HIBADH: variants seen among roughly 807,000 people sequenced by gnomAD.
The protein encoded by HIBADH is 3-hydroxyisobutyrate dehydrogenase.
Under a neutral mutation model 36.1 loss-of-function variants are expected in HIBADH, and 25 were observed. The ratio of observed to expected loss-of-function variants is 0.69; its 90% CI spans 0.50 to 0.97. The LOEUF (loss-of-function observed/expected upper bound fraction) is 0.97, where lower values mean the gene tolerates loss of function less well. HIBADH is among the 50% of genes least tolerant of loss of function. The probability of loss-of-function intolerance (pLI) is 0.00; values close to 1 mark genes in which losing one functional copy is unlikely to be tolerated. For missense variants in HIBADH, 421 were observed against 418.0 expected (o/e 1.01, Z -0.06); for synonymous variants, 160 against 149.5 (o/e 1.07, Z -0.51).
intron 4 of HIBADH, among the ~76,000 whole-genome samples, chr7:27,593,227 A>C (rs2128289254): frequency 6.6e-6 from 1 of 152,296 alleles, no homozygotes; most frequent in East Asian, 1.9e-4. Flanking sequence ...AGCCCTCAAA[A>C]AGATTTAGAT....
intron 4 of HIBADH, among the ~76,000 whole-genome samples, chr7:27,611,199 T>C (rs1163540490): frequency 2.0e-5 from 3 of 152,160 alleles, no homozygotes; most frequent in South Asian, 2.1e-4. Flanking sequence ...AGCAAATCAA[T>C]GAGGCGTGCC....
intron 4 of HIBADH, among the ~76,000 whole-genome samples, chr7:27,594,144 G>GTTGTTTTTTTT (rs1554297929): frequency 3.6e-5 from 2 of 55,454 alleles, no homozygotes; most frequent in Non-Finnish European, 6.3e-5. Flanking sequence ...AGATGTTTTT[G>GTTGTTTTTTTT]TTTTTTTGTT....
At chr7:27,607,471 T>A (rs1375028990) in intron 4 of HIBADH, among the ~76,000 whole-genome samples, 1 of 152,088 alleles carries the variant, frequency 6.6e-6, no homozygotes, top group Non-Finnish European at 1.5e-5. Context: ...ATCACGCCAC[T>A]GAACTCCAGC....
intron 4 of HIBADH, among the ~76,000 whole-genome samples, chr7:27,560,123 C>A (rs935251470): frequency 6.6e-6 from 1 of 152,060 alleles, no homozygotes; most frequent in Non-Finnish European, 1.5e-5. Context: ...GTTTACATTT[C>A]TATTATTATT....
intron 2 of HIBADH, among the ~76,000 whole-genome samples, chr7:27,645,769 T>C (rs1272427794): frequency 4.6e-5 from 7 of 152,150 alleles, no homozygotes; most frequent in African/African-American, 1.7e-4. Context: ...CTGGGAGAAA[T>C]GTCTATTAAA....
At chr7:27,574,520 T>C (rs997314369) in intron 4 of HIBADH, among the ~76,000 whole-genome samples, 1 of 152,196 alleles carries the variant, frequency 6.6e-6, no homozygotes, top group Non-Finnish European at 1.5e-5. Context: ...ACCTTTTTTA[T>C]TTGTAAACAA....
At chr7:27,552,049 A>G (rs1784326186) in intron 4 of HIBADH, among the ~76,000 whole-genome samples, 1 of 152,230 alleles carries the variant, frequency 6.6e-6, no homozygotes, top group South Asian at 2.1e-4. Context: ...CTGCTACTCA[A>G]CGAACAATAT....
intron 2 of HIBADH, among the ~76,000 whole-genome samples, chr7:27,645,382 T>TGTTTGTTTGTTTTG (rs1554300968): frequency 7.7e-6 from 1 of 129,080 alleles, no homozygotes; most frequent in African/African-American, 3.1e-5. Flanking sequence ...TTTTTTTTTT[T>TGTTTGTTTGTTTTG]TTTTTTTTTT....
intron 4 of HIBADH, among the ~76,000 whole-genome samples, chr7:27,617,343 A>G (rs1785448688): frequency 6.6e-6 from 1 of 152,164 alleles, no homozygotes; most frequent in Non-Finnish European, 1.5e-5. Context: ...GTGTAAGTAC[A>G]CTCTATGATG....
chr7:27,603,938 T>C (rs1785174678), intron 4 of HIBADH, among the ~76,000 whole-genome samples: 1 of 152,106 alleles, frequency 6.6e-6, no homozygotes, highest in Non-Finnish European at 1.5e-5. Flanking sequence ...TTCTCTCCCC[T>C]TTTCATCCTA....
At chr7:27,596,259 AAAAGGACC>A (rs1375895847) in intron 4 of HIBADH, among the ~76,000 whole-genome samples, 1 of 152,172 alleles carries the variant, frequency 6.6e-6, no homozygotes, top group South Asian at 2.1e-4. Flanking sequence ...ATAAAGGCAA[AAAAGGACC>A]AAAGGACCAA....
intron 4 of HIBADH, among the ~76,000 whole-genome samples, chr7:27,566,198 C>A (rs1784545974): frequency 6.6e-6 from 1 of 152,078 alleles, no homozygotes; most frequent in Non-Finnish European, 1.5e-5. Context: ...ACTGCATACT[C>A]TTCCAGTTTT....
intron 2 of HIBADH, chr7:27,649,270 G>C (rs555208610): frequency 2.4e-6 from 1 of 415,358 alleles, no homozygotes; most frequent in African/African-American, 2.0e-5. Context: ...ACCTGCCAAA[G>C]AATAGATACC....
Position 27,538,324 on chromosome 7 carries a change from C to CG in HIBADH, c.695+16dup. 1 of 1,584,902 alleles carries CG rather than the reference C, an allele frequency of 6.3e-7. No individual in the cohort carries two copies. On this transcript the variant is annotated intron_variant, in intron 6 of 7. Coordinates refer to ENST00000265395, the MANE Select transcript of HIBADH (RefSeq NM_152740.4). ...GCCTATAAAAATGTTAGTATAAAAA[C>CG]GTACTATTCAACAAACCTGATTCCA...
At chr7:27,591,326 C>A (rs1054163329) in intron 4 of HIBADH, among the ~76,000 whole-genome samples, 6 of 151,856 alleles carry the variant, frequency 4.0e-5, no homozygotes, top group Admixed American at 3.3e-4. Flanking sequence ...CCAAGGCAGG[C>A]GGATCACGAG....
intron 4 of HIBADH, among the ~76,000 whole-genome samples, chr7:27,627,303 G>A (rs1008459884): frequency 2.6e-5 from 4 of 152,170 alleles, no homozygotes; most frequent in African/African-American, 9.7e-5. Flanking sequence ...GCACAGGAAT[G>A]CGGTTTCTTC....
chr7:27,549,734 A>G (rs1404194060), intron 4 of HIBADH, among the ~76,000 whole-genome samples: 3 of 152,140 alleles, frequency 2.0e-5, no homozygotes, highest in African/African-American at 7.2e-5. Flanking sequence ...CCTTATACCT[A>G]TAAAAGAAGT....
intron 4 of HIBADH, among the ~76,000 whole-genome samples, chr7:27,587,428 CAA>C (rs1366985861): frequency 6.6e-6 from 1 of 151,830 alleles, no homozygotes; most frequent in Non-Finnish European, 1.5e-5. Flanking sequence ...TCTGGTATAA[CAA>C]GTTATATTGG....
intron 4 of HIBADH, among the ~76,000 whole-genome samples, chr7:27,549,174 AAGG>A (rs1337530364): frequency 6.6e-6 from 1 of 152,220 alleles, no homozygotes; most frequent in Non-Finnish European, 1.5e-5. Context: ...AATCAGAAAT[AAGG>A]AGAAATAAGT....
Sources: allele counts gnomAD v4.1 joint callset (sites outside exome capture counted in the v4.1 genomes callset), GRCh38; gene constraint gnomAD v4.1.1; transcripts MANE v1.5; gene names NCBI Gene and HGNC (gene_info 2026-07-23, HGNC 2026-07-21).